Variants in HSPA12B observed in about 807,000 individuals in gnomAD.
HSPA12B encodes the protein heat shock protein family A (Hsp70) member 12B, also known as heat shock 70 kDa protein 12B.
Under a neutral mutation model 69.3 loss-of-function variants are expected in HSPA12B, and 54 were observed. The observed-to-expected ratio is 0.78, with a 90% CI of 0.63 to 0.98. HSPA12B has a LOEUF of 0.98. Ranked by LOEUF, HSPA12B falls within the 50% of genes least tolerant of loss-of-function variation. The pLI is 0.00. For synonymous variants in HSPA12B, 441 were observed against 436.5 expected (o/e 1.01, Z -0.13); for missense variants, 929 against 999.8 (o/e 0.93, Z 0.96).
intron 7 of HSPA12B, 55 bp downstream of exon 7, chr20:3,746,086 C>A: frequency 7.4e-7 from 1 of 1,348,386 alleles, no homozygotes; most frequent in Non-Finnish European, 1.1e-6. Context: ...CAGGCCTGTC[C>A]CCATGCTTGC....
At position 3,745,996 on chromosome 20, in the gene HSPA12B, C is replaced by T. The variant is rs202158595; in HGVS notation, c.640C>T (p.Pro214Ser). 1.5e-5 allele frequency: 24 copies of T among 1,613,908 alleles called. No homozygotes were observed. The Middle Eastern group carries it at 5.0e-4, about 33-fold the overall frequency. ...GACGGTGCCTGCCATCTGGAAACAG[C>T]CAGCCAAGCAGTTCATGCGGGAGGC... is the stretch of plus-strand genomic sequence containing the variant. ...VLTVPAIWKQ[P>S]AKQFMREAAY... Residue 214 changes from proline (P) to serine (S), a missense_variant, in exon 7 of 13, where the codon CCA becomes TCA. Pro to Ser is a moderately conservative substitution (Grantham distance 74). Transcript: ENST00000254963. This position sits in a 1 kb window ranked among gnomAD's most constrained non-coding sequence, Gnocchi z 5.6.
chr20:3,733,296 G>A (rs940220867), intron 1 of HSPA12B, among the ~76,000 whole-genome samples: 4 of 152,160 alleles, frequency 2.6e-5, no homozygotes, highest in Non-Finnish European at 5.9e-5. Context: ...AGGTCCAGGT[G>A]GGGTGGGGTC....
In HSPA12B at chr20:3,750,203, T is replaced by A; in HGVS notation, c.1277T>A (p.Val426Glu). The A allele has an allele frequency of 1.9e-6, 3 of 1,607,412 alleles. No individual in the cohort carries two copies. The highest frequency in any genetic ancestry group is 2.6e-6 in the Non-Finnish European group (3 of 1,176,136). ...TACCGCAAGCAGCGGGGCCACAACG[T>A]GGAGACCGCTCTGCGCAGGAGCAGG... ...DFYRKQRGHNVETALRRSSVN... is the reference protein window; with the variant it reads ...DFYRKQRGHNEETALRRSSVN... The change falls in exon 11 of 13, where the codon GTG (valine) becomes GAG (glutamate). Residue 426 changes from valine (V) to glutamate (E), a missense_variant. Around this residue, in one of 3 missense-constraint regions of HSPA12B, gnomAD observed 448 missense variants for 448.1 expected, o/e 1.00. Transcript: ENST00000254963.
At chr20:3,741,121 G>T (rs1327368412) in intron 3 of HSPA12B, among the ~76,000 whole-genome samples, 4 of 152,122 alleles carry the variant, frequency 2.6e-5, no homozygotes, top group Non-Finnish European at 5.9e-5. Context: ...ATTCTACTGA[G>T]AAGGCGAGCC....
rs2088423567 is a variant in HSPA12B at position 3,751,636 on chromosome 20, G to C, written c.1531G>C (p.Val511Leu). 2 of 1,527,182 alleles carry C rather than the reference G, an allele frequency of 1.3e-6. No individual in the cohort carries two copies. Among genetic ancestry groups the C allele is most frequent in the African/African-American group, 1.4e-5 (1 of 71,728 alleles). 94.6% of individuals were successfully genotyped at this position (1,527,182 alleles called of 1,614,324 possible). Residue 511 changes from valine to leucine, a missense_variant, in exon 13 of 13, where the codon GTG becomes CTG. Transcript: ENST00000254963. ...AALGARGLRV[V>L]VPHDVGLTIL... The stretch of plus-strand genomic sequence containing the variant: ...GCTGGGCGCCCGCGGTCTGCGTGTC[G>C]TGGTCCCGCACGACGTGGGCCTCAC...
chr20:3,734,558 C>G (rs1343242050), intron 1 of HSPA12B, among the ~76,000 whole-genome samples: 1 of 152,160 alleles, frequency 6.6e-6, no homozygotes, highest in East Asian at 1.9e-4. Flanking sequence ...TCAGCCTCCC[C>G]TCATTTTCAG....
Position 3,745,975 on chromosome 20 carries a change from G to A in HSPA12B, c.619G>A (p.Val207Met). The change falls in exon 7 of 13, where the codon GTG becomes ATG. Residue 207 changes from valine to methionine, a missense_variant. By Grantham distance (21) the Val-to-Met change is conservative (BLOSUM62 1). Coordinates refer to ENST00000254963, the MANE Select transcript of HSPA12B (RefSeq NM_052970.5). The surrounding 1 kb of genome is among the most constrained non-coding windows in gnomAD (Gnocchi z 5.6). ...GGACACTGTGCGCTGGGTGTTGACG[G>A]TGCCTGCCATCTGGAAACAGCCAGC... ...EKDTVRWVLT[V>M]PAIWKQPAKQ... The A allele has an allele frequency of 6.2e-7, 1 of 1,614,014 alleles. No individual in the cohort carries two copies. Among genetic ancestry groups the A allele is most frequent in the East Asian group, 2.2e-5 (1 of 44,886 alleles).
Position 3,748,276 on chromosome 20 carries a change from C to T in HSPA12B, c.735C>T (p.Ala245=), listed in dbSNP as rs745928708. The T allele has an allele frequency of 1.6e-5, 25 of 1,605,890 alleles. No homozygotes were observed. Among genetic ancestry groups the T allele is most frequent in the African/African-American group, 6.7e-5 (5 of 74,546 alleles). The change falls in exon 8 of 13, where the codon GCC becomes GCT. Residue 245 remains alanine, a synonymous_variant. Transcript: ENST00000254963. ...TACTCATCGCCCTGGAGCCCGAGGC[C>T]GCCTCGGTATACTGCCGCAAGCTGC... The part of the protein sequence containing the change: ...EQLLIALEPE[A]ASVYCRKLRL...
chr20:3,745,412 G>A lies in HSPA12B; in HGVS notation c.454-81G>A. On this transcript the variant is annotated intron_variant, in intron 5 of 12. Transcript: ENST00000254963. The surrounding 1 kb of genome is among the most constrained non-coding windows in gnomAD (Gnocchi z 5.6). Reference sequence around the variant, plus strand: ...AAGAGGAGGGGAAGCTCCAGGAAACGGGGTGATTTTAAGAGCGAGGTCGTC... The same window carrying A: ...AAGAGGAGGGGAAGCTCCAGGAAACAGGGTGATTTTAAGAGCGAGGTCGTC... 1.0e-6 allele frequency: 1 copy of A among 999,742 alleles called. No individual in the cohort carries two copies. Among genetic ancestry groups the A allele is most frequent in the Non-Finnish European group, 1.6e-6 (1 of 624,146 alleles). The allele number at this position is 999,742 out of a possible 1,614,324, so 61.9% of individuals were successfully genotyped here.
rs151101921 is a variant in HSPA12B, at chr20:3,749,845, A to C, written c.1033A>C (p.Lys345Gln). 325 of 1,606,254 alleles carry C rather than the reference A, an allele frequency of 2.0e-4. No individual in the cohort carries two copies. The highest frequency in any genetic ancestry group is 2.4e-4 in the Non-Finnish European group (281 of 1,177,066). Residue 345 changes from lysine to glutamine, a missense_variant, in exon 10 of 13, where the codon AAG (lysine) becomes CAG (glutamine). By Grantham distance (53) the Lys-to-Gln change is moderately conservative. Coordinates refer to ENST00000254963, the MANE Select transcript of HSPA12B (RefSeq NM_052970.5). This position sits in a 1 kb window ranked among gnomAD's most constrained non-coding sequence, Gnocchi z 5.5. ...QPHGTLKELY[K>Q]ASGGPYGAVG... ...CCATGGCACCCTCAAGGAGCTCTAC[A>C]AGGCATCTGGTGAGTAGCCAGGCGG...
Position 3,738,716 on chromosome 20 carries a change from C to T in HSPA12B, c.42C>T (p.Ile14=), listed in dbSNP as rs967610282. The change falls in exon 2 of 13, where the codon ATC becomes ATT. Residue 14 remains isoleucine, a splice_region_variant and synonymous_variant. Coordinates refer to ENST00000254963, the MANE Select transcript of HSPA12B (RefSeq NM_052970.5). ...AGATGGGCCTGCAGGGGCTGTACAT[C>T]GGTAAGAACCCCCACCATTCTGCCC... ...VPEMGLQGLY[I]GSSPERSPVP... 6.8e-6 allele frequency: 11 copies of T among 1,614,026 alleles called. No homozygotes were observed. Among genetic ancestry groups the T allele is most frequent in the South Asian group, 1.1e-5 (1 of 91,084 alleles).
At chr20:3,751,261 C>T (rs1384485004) in intron 12 of HSPA12B, 1 of 985,348 alleles carries the variant, frequency 1.0e-6, no homozygotes, top group African/African-American at 1.7e-5. Context: ...AAATGCATAT[C>T]CTTATCTCTC....
At chr20:3,734,664 G>C (rs960734077) in intron 1 of HSPA12B, among the ~76,000 whole-genome samples, 1 of 151,746 alleles carries the variant, frequency 6.6e-6, no homozygotes, top group Non-Finnish European at 1.5e-5. Context: ...GTGTGTGCTC[G>C]CTTGGCAGTC....
chr20:3,744,014 GTGGGACCTCAAGGACCT>G lies in HSPA12B; in HGVS notation c.267-875_267-859del, dbSNP rs1268143636. Among the ~76,000 whole-genome samples the G allele has an allele frequency of 3.9e-5, 6 of 152,320 alleles. 1 individual carries two copies. The highest frequency in any genetic ancestry group is 1.2e-4 in the African/African-American group (5 of 41,554). ...AATCCATTCAAATGTTGGGTTTTAT[GTGGGACCTCAAGGACCT>G]TGGGACCTCAAGACCCCAGTCCTCT... On this transcript the variant is annotated intron_variant, in intron 4 of 12. Coordinates refer to ENST00000254963, the MANE Select transcript of HSPA12B (RefSeq NM_052970.5). The surrounding 1 kb of genome is among the most constrained non-coding windows in gnomAD (Gnocchi z 4.9).
chr20:3,746,448 G>A (rs1169331109), intron 7 of HSPA12B, among the ~76,000 whole-genome samples: 2 of 151,880 alleles, frequency 1.3e-5, no homozygotes, highest in East Asian at 3.9e-4. Flanking sequence ...GACTACAGGT[G>A]CCCGCCACCA....
rs1202203370 is a variant in HSPA12B, at chr20:3,742,425, TGA to T, written c.266+23_266+24del. 1.3e-6 allele frequency: 2 copies of T among 1,592,718 alleles called. No homozygotes were observed. The highest frequency in any genetic ancestry group is 1.7e-6 in the Non-Finnish European group (2 of 1,162,382). ...CATGATGAGGTGAGGTCGGCTGGGC[TGA>T]GAGAGTGAGGTGGGGAAGGTGGGGA... On this transcript the variant is annotated intron_variant, in intron 4 of 12. Coordinates refer to ENST00000254963, the MANE Select transcript of HSPA12B (RefSeq NM_052970.5).
At chr20:3,733,864 A>C (rs560661094) in intron 1 of HSPA12B, among the ~76,000 whole-genome samples, 2 of 152,180 alleles carry the variant, frequency 1.3e-5, no homozygotes, top group Non-Finnish European at 2.9e-5. Flanking sequence ...GGGGAGCTGG[A>C]ATGACCTGGG....
At position 3,751,980 on chromosome 20, in the gene HSPA12B, C is replaced by G; in HGVS notation, c.1875C>G (p.Arg625=). ...GCTTCATCACCGACCCCGGCGTGCG[C>G]AAATGCGGCGCGCTCAGCCTCGAGC... ...DARFITDPGV[R]KCGALSLELE... Residue 625 remains arginine, a synonymous_variant, in exon 13 of 13, where the codon CGC becomes CGG. Transcript: ENST00000254963. 6.3e-7 allele frequency: 1 copy of G among 1,576,202 alleles called. No individual in the cohort carries two copies. Among genetic ancestry groups the G allele is most frequent in the Non-Finnish European group, 8.6e-7 (1 of 1,166,402 alleles).
Position 3,744,780 on chromosome 20 carries a change from G to A in HSPA12B, c.267-122G>A. On this transcript the variant is annotated intron_variant, in intron 4 of 12. Coordinates refer to ENST00000254963, the MANE Select transcript of HSPA12B (RefSeq NM_052970.5). The surrounding 1 kb of genome is among the most constrained non-coding windows in gnomAD (Gnocchi z 4.9). Reference sequence around the variant, plus strand: ...TGTGTTTTCTCCTGCTGCCTATGGAGCCGACCCATAGCTAGTTCTCCCTGC... The same window carrying A: ...TGTGTTTTCTCCTGCTGCCTATGGAACCGACCCATAGCTAGTTCTCCCTGC... 1.2e-6 allele frequency: 1 copy of A among 840,098 alleles called. No individual in the cohort carries two copies. The allele number at this position is 840,098 out of a possible 1,614,324, so 52.0% of individuals were successfully genotyped here.
Sources: allele counts gnomAD v4.1 joint callset (sites outside exome capture counted in the v4.1 genomes callset), GRCh38; gene constraint gnomAD v4.1.1; regional missense constraint gnomAD v4.1.1; non-coding constraint Gnocchi (gnomAD v3.1); transcripts MANE v1.5; gene names NCBI Gene and HGNC (gene_info 2026-07-23, HGNC 2026-07-21).